The following FBRSL1 variants were observed in gnomAD, a reference collection of about 807,000 sequenced individuals.
FBRSL1 encodes the protein fibrosin-1-like protein.
In FBRSL1, 51 loss-of-function variants were observed where a neutral mutation model predicts 89.6. The observed-to-expected ratio is 0.57, with a 90% CI of 0.45 to 0.72. The LOEUF is 0.72. Ranked by LOEUF, FBRSL1 falls within the 30% of genes least tolerant of loss-of-function variation. The pLI is 0.00. For synonymous variants in FBRSL1, 779 were observed against 681.1 expected (o/e 1.14, Z -2.24); for missense variants, 1,618 against 1,451.8 (o/e 1.11, Z -1.86).
chr12:132,507,127 G>T (rs1326012073), intron 1 of FBRSL1: 2 of 913,476 alleles, frequency 2.2e-6, no homozygotes, highest in East Asian at 1.2e-4. Context: ...GCGGGGGCGG[G>T]TCCTCCTCGG....
At chr12:132,512,115 C>T (rs1304636341) in intron 2 of FBRSL1, among the ~76,000 whole-genome samples, 1 of 152,186 alleles carries the variant, frequency 6.6e-6, no homozygotes, top group African/African-American at 2.4e-5. Context: ...CCATCTGAGG[C>T]CTGGAATGGG....
chr12:132,510,768 G>A (rs1252898886), intron 2 of FBRSL1: 5 of 1,167,088 alleles, frequency 4.3e-6, no homozygotes, highest in East Asian at 4.0e-5. Context: ...GTTGCTGCCT[G>A]TGGTGTGCGT....
chr12:132,526,542 TG>T (rs2035803596), intron 3 of FBRSL1, among the ~76,000 whole-genome samples: 1 of 152,066 alleles, frequency 6.6e-6, no homozygotes, highest in Non-Finnish European at 1.5e-5. Context: ...CCCAGGGCCT[TG>T]GGCTCTGTCC....
chr12:132,532,286 T>C lies in FBRSL1; in HGVS notation c.615+4298T>C, dbSNP rs536888116. ...AGATCATCCCGTTCTCCAGACAGGA[T>C]CACAGGCCCAGAGAGGCCAACAGGG... is the stretch of plus-strand genomic sequence containing the variant. On this transcript the variant is annotated intron_variant, in intron 4 of 18. Transcript: ENST00000680143. Among the ~76,000 whole-genome samples the C allele has an allele frequency of 3.3e-5, 5 of 152,178 alleles. No homozygotes were observed. In the South Asian group the frequency reaches 8.3e-4, roughly 25 times the overall value.
intron 2 of FBRSL1, among the ~76,000 whole-genome samples, chr12:132,518,441 T>C (rs2035042586): frequency 6.9e-6 from 1 of 143,940 alleles, no homozygotes; most frequent in Admixed American, 6.9e-5. Context: ...CCGTCTGTAG[T>C]GTATCTCATC....
intron 1 of FBRSL1, 45 bp downstream of exon 1, chr12:132,490,906 G>C: frequency 8.0e-7 from 1 of 1,250,688 alleles, no homozygotes. Context: ...GCGAGAACGG[G>C]GCCCGGAGTT....
chr12:132,569,946 G>C lies in FBRSL1; in HGVS notation c.712G>C (p.Glu238Gln), dbSNP rs972623183. 41 of 1,421,900 alleles carry C rather than the reference G, an allele frequency of 2.9e-5. No individual in the cohort carries two copies. Among genetic ancestry groups the C allele is most frequent in the Non-Finnish European group, 3.7e-5 (40 of 1,095,714 alleles). 88.1% of individuals were successfully genotyped at this position (1,421,900 alleles called of 1,614,324 possible). Residue 238 changes from glutamate to glutamine, a missense_variant, in exon 7 of 19, where the codon GAG (glutamate) becomes CAG (glutamine). Physicochemically the swap from Glu to Gln is conservative, Grantham distance 29. Coordinates refer to ENST00000680143, the MANE Select transcript of FBRSL1 (RefSeq NM_001367871.1). ...TDKGPALEKS[E>Q]AKAGPVPKVS... ...TGCAGGCCCAGCGCTTGAGAAGTCG[G>C]AGGCCAAGGCCGGGCCGGTGCCCAA...
At chr12:132,519,187 C>T (rs1187051097) in intron 2 of FBRSL1, among the ~76,000 whole-genome samples, 2 of 152,386 alleles carry the variant, frequency 1.3e-5, no homozygotes, top group South Asian at 4.1e-4. Flanking sequence ...TAAAAGACAG[C>T]CCCGCCCACT....
At chr12:132,527,230 G>A (rs544116353) in intron 3 of FBRSL1, among the ~76,000 whole-genome samples, 5 of 152,314 alleles carry the variant, frequency 3.3e-5, no homozygotes, top group South Asian at 4.1e-4. Flanking sequence ...CCCCTCTGGC[G>A]GGTGGGCACG....
intron 5 of FBRSL1, among the ~76,000 whole-genome samples, chr12:132,560,672 G>A (rs2039045949): frequency 6.6e-6 from 1 of 152,160 alleles, no homozygotes; most frequent in Non-Finnish European, 1.5e-5. Context: ...GACAAAGCGC[G>A]CCCTGACCTC....
intron 5 of FBRSL1, among the ~76,000 whole-genome samples, chr12:132,559,453 G>A (rs1397658370): frequency 6.6e-6 from 1 of 152,198 alleles, no homozygotes. Context: ...GTGCAGTGGT[G>A]CAATCTCGGC....
chr12:132,548,953 T>C (rs968486787), intron 5 of FBRSL1, among the ~76,000 whole-genome samples: 5 of 152,122 alleles, frequency 3.3e-5, no homozygotes, highest in African/African-American at 1.2e-4. Context: ...AACAGTTCCA[T>C]GAGGGGTCTG....
intron 15 of FBRSL1, among the ~76,000 whole-genome samples, chr12:132,579,615 T>G (rs1189861127): frequency 6.6e-6 from 1 of 152,210 alleles, no homozygotes; most frequent in African/African-American, 2.4e-5. Flanking sequence ...TTTGCCCCCT[T>G]GTGTAAACTG....
intron 2 of FBRSL1, among the ~76,000 whole-genome samples, 189 bp from the exon 3 acceptor site, chr12:132,525,545 G>A (rs2035718757): frequency 6.6e-6 from 1 of 152,186 alleles, no homozygotes; most frequent in South Asian, 2.1e-4. Context: ...TCCTGCTGCT[G>A]CTCCCGCCCC....
chr12:132,511,942 T>A (rs2034389336), intron 2 of FBRSL1: 13 of 979,926 alleles, frequency 1.3e-5, no homozygotes, highest in Non-Finnish European at 1.6e-5. Context: ...GTGCCACTAT[T>A]TTTTATAACA....
rs144325943 is a variant in FBRSL1 at position 132,584,302 on chromosome 12, T to C, written c.*524T>C. ...TAAAATAATAATGTACAAAACTTTG[T>C]TTTTTTGCCTTATTATGCAGAAGTG... On this transcript the variant is annotated 3_prime_UTR_variant, in exon 19 of 19. Coordinates refer to ENST00000680143, the MANE Select transcript of FBRSL1 (RefSeq NM_001367871.1). The C allele has an allele frequency of 1.3e-5, 2 of 152,320 alleles. No individual in the cohort carries two copies. The highest frequency in any genetic ancestry group is 4.8e-5 in the African/African-American group (2 of 41,560). The allele number at this position is 152,320 out of a possible 1,614,324, so 9.4% of individuals were successfully genotyped here.
chr12:132,559,680 C>T (rs1271963920), intron 5 of FBRSL1, among the ~76,000 whole-genome samples: 1 of 152,198 alleles, frequency 6.6e-6, no homozygotes, highest in East Asian at 1.9e-4. Flanking sequence ...GTTTCAGGCG[C>T]CGGCCACCGC....
intron 2 of FBRSL1, among the ~76,000 whole-genome samples, chr12:132,520,503 G>A (rs148701314): frequency 1.2e-3 from 189 of 152,324 alleles, no homozygotes; most frequent in East Asian, 6.0e-3. Context: ...CCCTCCAAAC[G>A]CCCGAGGGTG....
intron 15 of FBRSL1, among the ~76,000 whole-genome samples, chr12:132,579,159 T>G (rs2040581773): frequency 6.6e-6 from 1 of 152,218 alleles, no homozygotes; most frequent in Non-Finnish European, 1.5e-5. Flanking sequence ...CTCCTCCATC[T>G]CCTTGGCAGG....
Sources: allele counts gnomAD v4.1 joint callset (sites outside exome capture counted in the v4.1 genomes callset), GRCh38; gene constraint gnomAD v4.1.1; transcripts MANE v1.5; gene names NCBI Gene and HGNC (gene_info 2026-07-23, HGNC 2026-07-21).